Variants in KRT2 observed in about 807,000 individuals in gnomAD.
KRT2 encodes keratin, type II cytoskeletal 2 epidermal.
A neutral mutation model predicts 48.5 loss-of-function variants in KRT2; 37 were observed. That is an observed-to-expected ratio of 0.76 (90% CI 0.59 to 1.00). The LOEUF (loss-of-function observed/expected upper bound fraction) is 1.00, where lower values mean the gene tolerates loss of function less well. KRT2 is among the 50% of genes least tolerant of loss of function. KRT2 has a pLI of 0.00. For missense variants in KRT2, 880 were observed against 815.2 expected (o/e 1.08, Z -0.97); for synonymous variants, 324 against 312.2 (o/e 1.04, Z -0.40).
chr12:52,645,319 G>A lies in KRT2; in HGVS notation c.1620C>T (p.Gly540=). ...GGYSSGSSSY[G]SGGRQSGSRG... ...TGGAGCCAGACTGTCGGCCTCCAGA[G>A]CCATAACTGCTGCTTCCAGAGCTGT... The change falls in exon 9 of 9, where the codon GGC becomes GGT. Residue 540 remains glycine (G), a synonymous_variant. Coordinates refer to ENST00000309680, the MANE Select transcript of KRT2 (RefSeq NM_000423.3). 2 of 1,614,186 alleles carry A rather than the reference G, an allele frequency of 1.2e-6. No homozygotes were observed. The highest frequency in any genetic ancestry group is 1.7e-6 in the Non-Finnish European group (2 of 1,180,040).
chr12:52,649,797 C>G (rs1941221110), intron 3 of KRT2, 117 bp downstream of exon 3: 1 of 813,750 alleles, frequency 1.2e-6, no homozygotes, highest in Admixed American at 1.8e-5. Context: ...GGGTCTCACT[C>G]CTTTCTCTGG....
chr12:52,648,251 G>T lies in KRT2; in HGVS notation c.1044C>A (p.Ile348=). 1 of 1,614,158 alleles carries T rather than the reference G, an allele frequency of 6.2e-7. No individual in the cohort carries two copies. The change falls in exon 5 of 9, where the codon ATC becomes ATA. Residue 348 remains isoleucine, a synonymous_variant. Coordinates refer to ENST00000309680, the MANE Select transcript of KRT2 (RefSeq NM_000423.3). The part of the protein sequence containing the change: ...DNSRNLDLDS[I]IAEVKAQYEE... ...CATACTGGGCCTTGACCTCGGCGAT[G>T]ATGCTATCCAAGTCCAGGTTGCGGC...
rs757788710 is a variant in KRT2 at position 52,651,565 on chromosome 12, A to G, written c.578T>C (p.Ile193Thr). The change falls in exon 1 of 9, where the codon ATT becomes ACT. Residue 193 changes from isoleucine to threonine, a missense_variant. Ile to Thr is a moderately conservative substitution (Grantham distance 89). Transcript: ENST00000309680. ...KTLNNKFASFIDKVRFLEQQN... is the reference protein window; with the variant it reads ...KTLNNKFASFTDKVRFLEQQN... ...CGTCTTCTCCAGAGTCACCTTGTCA[A>G]TGAAGGAGGCAAATTTGTTGTTGAG... The G allele has an allele frequency of 1.2e-6, 2 of 1,612,836 alleles. No individual in the cohort carries two copies. Among genetic ancestry groups the G allele is most frequent in the East Asian group, 2.2e-5 (1 of 44,850 alleles).
intron 2 of KRT2, 32 bp from the exon 3 acceptor site, chr12:52,650,006 T>C (rs1302416486): frequency 2.0e-6 from 3 of 1,524,862 alleles, no homozygotes; most frequent in Non-Finnish European, 2.7e-6. Flanking sequence ...AGCAGTTAGA[T>C]TAGTTCCCCT....
At position 52,644,697 on chromosome 12, in the gene KRT2, C is replaced by G. The variant is rs1285903268; in HGVS notation, c.*322G>C. On this transcript the variant is annotated 3_prime_UTR_variant, in exon 9 of 9. Transcript: ENST00000309680. ...TTAGAGATGAAATCCCTGGATGGGCCTGGGTCCTCAACAGAATACACATCT... is the reference window on the plus strand; with the variant it reads ...TTAGAGATGAAATCCCTGGATGGGCGTGGGTCCTCAACAGAATACACATCT... 18 of 405,136 alleles carry G rather than the reference C, an allele frequency of 4.4e-5. No individual in the cohort carries two copies. The highest frequency in any genetic ancestry group is 2.6e-4 in the African/African-American group (13 of 49,458). 25.1% of individuals were successfully genotyped at this position (405,136 alleles called of 1,614,324 possible).
At chr12:52,645,512 C>A (rs148798195) in intron 8 of KRT2, 23 bp downstream of exon 8, 3 of 1,614,156 alleles carry the variant, frequency 1.9e-6, no homozygotes, top group Non-Finnish European at 2.5e-6. Context: ...CCCCATGGAA[C>A]AGGACCACAC....
chr12:52,650,894 C>T (rs566719156), intron 1 of KRT2, among the ~76,000 whole-genome samples: 2 of 152,262 alleles, frequency 1.3e-5, no homozygotes, highest in East Asian at 1.9e-4. Context: ...TGGGGAAAAC[C>T]GAAAGCAGCC....
rs1592256015 is a variant in KRT2, at chr12:52,648,088, T to A, written c.1122+85A>T. 3.4e-6 allele frequency: 5 copies of A among 1,478,568 alleles called. No homozygotes were observed. In the East Asian group the frequency reaches 1.1e-4, roughly 33 times the overall value. 91.6% of individuals were successfully genotyped at this position (1,478,568 alleles called of 1,614,324 possible). A position where few individuals can be genotyped will look rare whatever the true frequency, so the allele number is the denominator to read the frequency against. On this transcript the variant is annotated intron_variant, in intron 5 of 8. Coordinates refer to ENST00000309680, the MANE Select transcript of KRT2 (RefSeq NM_000423.3). ...CAACTACCATTAAACAAAAAACCAA[T>A]AACCTTACTGTACACTTTCCAGCTG... is the stretch of plus-strand genomic sequence containing the variant.
rs1941137697 is a variant in KRT2 at position 52,644,894 on chromosome 12, A to C, written c.*125T>G. On this transcript the variant is annotated 3_prime_UTR_variant, in exon 9 of 9. Coordinates refer to ENST00000309680, the MANE Select transcript of KRT2 (RefSeq NM_000423.3). ...TGTATGTGGACATTCTTTTCCCTCA[A>C]AGTGCCATCAGAGATAAATGACAAA... is the stretch of plus-strand genomic sequence containing the variant. The C allele has an allele frequency of 4.1e-6, 4 of 983,750 alleles. No homozygotes were observed. The highest frequency in any genetic ancestry group is 6.2e-6 in the Non-Finnish European group (4 of 641,168). 60.9% of individuals were successfully genotyped at this position (983,750 alleles called of 1,614,324 possible).
Sources: gnomAD v4.1 joint callset for allele counts (sites outside exome capture counted in the v4.1 genomes callset) on GRCh38, gnomAD v4.1.1 for gene constraint, MANE v1.5 for transcripts, NCBI Gene and HGNC (gene_info 2026-07-23, HGNC 2026-07-21) for gene names.